EYS: variants seen among roughly 807,000 people sequenced by gnomAD.
The protein encoded by EYS is protein eyes shut homolog.
In EYS, 250 loss-of-function variants were observed where a neutral mutation model predicts 282.1. The ratio of observed to expected loss-of-function variants is 0.89; its 90% confidence interval spans 0.80 to 0.98. The LOEUF is 0.98. Ranked by LOEUF, EYS falls within the 50% of genes least tolerant of loss-of-function variation. The pLI is 0.00. For synonymous variants in EYS, 1,355 were observed against 1,282.9 expected (o/e 1.06, Z -1.20); for missense variants, 4,016 against 3,709.0 (o/e 1.08, Z -2.15).
intron 2 of EYS, among the ~76,000 whole-genome samples, chr6:65,552,169 TG>T (rs369455310): frequency 2.6e-4 from 39 of 152,212 alleles, no homozygotes; most frequent in African/African-American, 8.9e-4. Flanking sequence ...CAAGGCAAAA[TG>T]GATTCAGATT....
At chr6:64,110,224 C>G (rs1422407938) in intron 31 of EYS, among the ~76,000 whole-genome samples, 1 of 151,256 alleles carries the variant, frequency 6.6e-6, no homozygotes, top group Non-Finnish European at 1.5e-5. Flanking sequence ...CTTACTCCCT[C>G]TTTCTACACT....
intron 33 of EYS, 52 bp downstream of exon 33, chr6:64,066,286 C>T (rs535589521): frequency 3.4e-5 from 51 of 1,492,172 alleles, no homozygotes; most frequent in Admixed American, 1.5e-4. Context: ...TCAAAACAAA[C>T]GAACAAACAA....
At chr6:64,203,691 T>C (rs1183987680) in intron 31 of EYS, among the ~76,000 whole-genome samples, 2 of 152,112 alleles carry the variant, frequency 1.3e-5, no homozygotes, top group East Asian at 3.9e-4. Flanking sequence ...AGATTGTATG[T>C]TAAAAATACA....
chr6:65,317,313 G>A (rs907353067), intron 11 of EYS, among the ~76,000 whole-genome samples: 1 of 152,018 alleles, frequency 6.6e-6, no homozygotes, highest in African/African-American at 2.4e-5. Flanking sequence ...TCAATTTTTA[G>A]TCATTTATAT....
chr6:64,880,621 C>A (rs895400932), intron 19 of EYS, among the ~76,000 whole-genome samples: 1 of 151,416 alleles, frequency 6.6e-6, no homozygotes, highest in African/African-American at 2.4e-5. Context: ...CATTTAAATT[C>A]ACTTCCCCAA....
chr6:65,233,717 A>C (rs1486462415), intron 12 of EYS, among the ~76,000 whole-genome samples: 6 of 152,152 alleles, frequency 3.9e-5, no homozygotes, highest in Non-Finnish European at 5.9e-5. Flanking sequence ...GCTGAGGATA[A>C]GTGTTATTTT....
chr6:65,091,808 G>T lies in EYS; in HGVS notation c.2024-34081C>A, dbSNP rs559463212. Among the ~76,000 whole-genome samples the T allele has an allele frequency of 2.2e-4, 33 of 152,186 alleles. No individual in the cohort carries two copies. The South Asian group carries it at 6.4e-3, about 30-fold the overall frequency. ...ATTACATTTATGTAGCCATTCGGTTGTAACCTGTTTGTGTGAGCTCATACC... is the reference window on the plus strand; with the variant it reads ...ATTACATTTATGTAGCCATTCGGTTTTAACCTGTTTGTGTGAGCTCATACC... On this transcript the variant is annotated intron_variant, in intron 12 of 42. Transcript: ENST00000503581.
In EYS at chr6:64,733,926, G is replaced by A. The variant is rs145443786; in HGVS notation, c.3443+79452C>T. ...AACTGTAGATGACCAGTCCCATGGCGGTGGGAGCAAGCTATATTAATTTAT... is the reference window on the plus strand; with the variant it reads ...AACTGTAGATGACCAGTCCCATGGCAGTGGGAGCAAGCTATATTAATTTAT... On this transcript the variant is annotated intron_variant, in intron 22 of 42. Coordinates refer to ENST00000503581, the MANE Select transcript of EYS (RefSeq NM_001142800.2). 908 of 155,758 alleles carry A rather than the reference G, an allele frequency of 5.8e-3. 9 individuals are homozygous for A. Among genetic ancestry groups the A allele is most frequent in the African/African-American group, 0.02 (831 of 41,500 alleles). The allele number at this position is 155,758 out of a possible 1,614,324, so 9.6% of individuals were successfully genotyped here. A position where few individuals can be genotyped will look rare whatever the true frequency, so the allele number is the denominator to read the frequency against.
At chr6:65,328,486 A>T (rs1279336106) in intron 11 of EYS, among the ~76,000 whole-genome samples, 1 of 151,404 alleles carries the variant, frequency 6.6e-6, no homozygotes, top group Admixed American at 6.6e-5. Context: ...TTTTGCTAAA[A>T]TATCAATTTT....
chr6:64,798,863 A>G (rs978571334), intron 22 of EYS, among the ~76,000 whole-genome samples: 5 of 151,728 alleles, frequency 3.3e-5, no homozygotes, highest in African/African-American at 1.2e-4. Context: ...CCCACATTTA[A>G]TCAATAGCAG....
At chr6:65,503,766 C>T (rs765961216) in intron 2 of EYS, among the ~76,000 whole-genome samples, 15 of 151,610 alleles carry the variant, frequency 9.9e-5, no homozygotes, top group Non-Finnish European at 1.5e-4. Context: ...TAGTTGACTA[C>T]ATTTGTGTGG....
intron 2 of EYS, among the ~76,000 whole-genome samples, chr6:65,606,894 T>TG (rs398110205): frequency 2.7e-5 from 4 of 147,082 alleles, no homozygotes; most frequent in Non-Finnish European, 4.5e-5. Flanking sequence ...ATTTTTTTTT[T>TG]GCAATTTTGA....
chr6:64,422,528 AG>A (rs1774269449), intron 28 of EYS, among the ~76,000 whole-genome samples: 1 of 152,222 alleles, frequency 6.6e-6, no homozygotes, highest in African/African-American at 2.4e-5. Context: ...GGGATGCCTC[AG>A]GGAGGAAACA....
intron 19 of EYS, among the ~76,000 whole-genome samples, chr6:64,829,912 G>T (rs542738073): frequency 6.6e-6 from 1 of 151,886 alleles, no homozygotes. Context: ...GGACCCTTGC[G>T]CTAGAGAATA....
intron 26 of EYS, among the ~76,000 whole-genome samples, chr6:64,572,878 G>A (rs375572545): frequency 6.6e-5 from 10 of 152,070 alleles, no homozygotes; most frequent in African/African-American, 2.4e-4. Flanking sequence ...TGCTGTCCCT[G>A]TAAAGCTACT....
In EYS at chr6:65,335,203, A is replaced by G. The variant is rs537886538; in HGVS notation, c.1600-57T>C. On this transcript the variant is annotated intron_variant, in intron 10 of 42. Coordinates refer to ENST00000503581, the MANE Select transcript of EYS (RefSeq NM_001142800.2). ...AATTCCCATCACTTACTACAATATT[A>G]CAATTGTGACCTGAGAGATCATGAT... is the stretch of plus-strand genomic sequence containing the variant. The G allele has an allele frequency of 7.4e-6, 9 of 1,220,842 alleles. No homozygotes were observed. In the African/African-American group the frequency reaches 1.0e-4, roughly 14 times the overall value. 75.6% of individuals were successfully genotyped at this position (1,220,842 alleles called of 1,614,324 possible). A position where few individuals can be genotyped will look rare whatever the true frequency, so the allele number is the denominator to read the frequency against.
intron 18 of EYS, among the ~76,000 whole-genome samples, chr6:64,890,011 G>T (rs1473698343): frequency 1.3e-5 from 2 of 148,280 alleles, no homozygotes; most frequent in Non-Finnish European, 3.0e-5. Context: ...CCCTGGGAAA[G>T]AGAATATGCA....
At chr6:64,228,981 A>T (rs957658216) in intron 31 of EYS, among the ~76,000 whole-genome samples, 1 of 152,150 alleles carries the variant, frequency 6.6e-6, no homozygotes, top group Non-Finnish European at 1.5e-5. Context: ...AACATTAAAA[A>T]ATTAAAATAG....
chr6:64,269,477 T>C (rs1317384686), intron 30 of EYS, among the ~76,000 whole-genome samples: 2 of 152,032 alleles, frequency 1.3e-5, no homozygotes, highest in Non-Finnish European at 2.9e-5. Flanking sequence ...TCCCTCTAGG[T>C]AATCTTTGAA....
Sources: gnomAD v4.1 joint callset for allele counts (sites outside exome capture counted in the v4.1 genomes callset) on GRCh38, gnomAD v4.1.1 for gene constraint, MANE v1.5 for transcripts, NCBI Gene and HGNC (gene_info 2026-07-23, HGNC 2026-07-21) for gene names.